Variants in DLGAP2 observed in about 807,000 individuals in gnomAD.
The protein encoded by DLGAP2 is disks large-associated protein 2.
DLGAP2 carries 26 observed loss-of-function variants against 100.3 expected under a neutral mutation model. That is an observed-to-expected ratio of 0.26 (90% CI 0.19 to 0.36). DLGAP2 has a LOEUF of 0.36. Among genes scored for constraint, DLGAP2 ranks in the 10% least tolerant of loss-of-function variants. The pLI is 1.00. For synonymous variants in DLGAP2, 886 were observed against 630.1 expected (o/e 1.41, Z -6.08); for missense variants, 1,858 against 1,453.2 (o/e 1.28, Z -4.53).
chr8:1,069,506 T>C (rs1374294181), intron 2 of DLGAP2, among the ~76,000 whole-genome samples: 1 of 152,176 alleles, frequency 6.6e-6, no homozygotes, highest in Admixed American at 6.5e-5. Context: ...ATTTTTGCTT[T>C]TTTGAGATAA....
At chr8:1,241,574 C>T (rs1267285852) in intron 2 of DLGAP2, among the ~76,000 whole-genome samples, 2 of 152,240 alleles carry the variant, frequency 1.3e-5, no homozygotes, top group Non-Finnish European at 2.9e-5. Context: ...CCAGTTCTCT[C>T]CTGGGTGGAG....
At chr8:1,518,902 G>A (rs564094485) in intron 4 of DLGAP2, among the ~76,000 whole-genome samples, 37 of 152,240 alleles carry the variant, frequency 2.4e-4, no homozygotes, top group African/African-American at 7.9e-4. Flanking sequence ...ACATTCTCAC[G>A]CCAGTGCCCG....
intron 2 of DLGAP2, among the ~76,000 whole-genome samples, chr8:1,153,251 T>C (rs1015849298): frequency 6.6e-6 from 1 of 152,142 alleles, no homozygotes; most frequent in African/African-American, 2.4e-5. Context: ...GATCTGAACA[T>C]GCCCAGATAA....
At chr8:1,362,222 G>A (rs938446227) in intron 3 of DLGAP2, among the ~76,000 whole-genome samples, 8 of 152,092 alleles carry the variant, frequency 5.3e-5, no homozygotes, top group African/African-American at 1.7e-4. Context: ...CTCGGGAACT[G>A]TGGGTGGGAC....
At chr8:1,153,083 T>A (rs902912536) in intron 2 of DLGAP2, among the ~76,000 whole-genome samples, 3 of 152,194 alleles carry the variant, frequency 2.0e-5, no homozygotes, top group Non-Finnish European at 4.4e-5. Context: ...AGAAACTACC[T>A]TTGAGAGGCC....
intron 8 of DLGAP2, among the ~76,000 whole-genome samples, chr8:1,667,470 C>G (rs1244837708): frequency 1.3e-5 from 2 of 152,176 alleles, no homozygotes; most frequent in Non-Finnish European, 2.9e-5. Flanking sequence ...GAGCTGGCCC[C>G]TTTCCGGTGG....
At chr8:810,384 A>C (rs1796349575) in intron 1 of DLGAP2, among the ~76,000 whole-genome samples, 1 of 152,254 alleles carries the variant, frequency 6.6e-6, no homozygotes, top group Non-Finnish European at 1.5e-5. Flanking sequence ...ACACACCATT[A>C]CACATTTTAT....
chr8:960,001 A>G (rs547832465), intron 2 of DLGAP2, among the ~76,000 whole-genome samples: 1 of 152,264 alleles, frequency 6.6e-6, no homozygotes, highest in East Asian at 1.9e-4. Context: ...AGGGCAATAA[A>G]CTGATGTTTG....
At chr8:1,254,880 C>G (rs111348684) in intron 2 of DLGAP2, among the ~76,000 whole-genome samples, 81 of 80,282 alleles carry the variant, frequency 1.0e-3, no homozygotes, top group Middle Eastern at 0.018. Context: ...TCCTGCCTCT[C>G]CTGCCCGCGT....
intron 1 of DLGAP2, among the ~76,000 whole-genome samples, chr8:828,308 A>G (rs898332428): frequency 3.1e-4 from 47 of 152,290 alleles, no homozygotes; most frequent in Middle Eastern, 3.4e-3. Flanking sequence ...CTCGACCATA[A>G]GAGACAGGTA....
At position 1,164,112 on chromosome 8, in the gene DLGAP2, G is replaced by GCCCC. The variant is rs113885366; in HGVS notation, c.74-94736_74-94735insCCCC. 5.7e-4 allele frequency among the ~76,000 whole-genome samples: 17 copies of GCCCC among 29,964 alleles called. 3 individuals are homozygous for GCCCC. The highest frequency in any genetic ancestry group is 2.8e-3 in the South Asian group (3 of 1,068). The allele number at this position is 29,964 out of a possible 152,430, so 19.7% of individuals were successfully genotyped here. A position where few individuals can be genotyped will look rare whatever the true frequency, so the allele number is the denominator to read the frequency against. ...GTGCTGGGGACAGATTTTTCTGTGA[G>GCCCC]CCCGCAGGGCCCGTCATTTTGGTTT... On this transcript the variant is annotated intron_variant, in intron 2 of 14. Coordinates refer to ENST00000637795, the MANE Select transcript of DLGAP2 (RefSeq NM_001346810.2).
chr8:1,106,369 G>A (rs1452033025), intron 2 of DLGAP2, among the ~76,000 whole-genome samples: 1 of 151,258 alleles, frequency 6.6e-6, no homozygotes, highest in Admixed American at 6.6e-5. Context: ...ATTCTAGGAG[G>A]GTTTTCTATT....
At position 1,467,236 on chromosome 8, in the gene DLGAP2, T is replaced by G. The variant is rs570559423; in HGVS notation, c.107-34130T>G. 3.4e-5 allele frequency among the ~76,000 whole-genome samples: 5 copies of G among 147,236 alleles called. No individual in the cohort carries two copies. In the South Asian group the frequency reaches 8.3e-4, roughly 24 times the overall value. On this transcript the variant is annotated intron_variant, in intron 3 of 14. Transcript: ENST00000637795. ...GGCTTCTCTGTTGGATGTCACTGAG[T>G]GTCCTTCACCACGGTCCCTCCCCCC...
chr8:1,492,549 G>A lies in DLGAP2; in HGVS notation c.107-8817G>A, dbSNP rs1043918717. ...CTGTGGGCGACACCCGATGGGGACC[G>A]CGCTTCGCTCCGCAAACATTGTCAC... is the stretch of plus-strand genomic sequence containing the variant. On this transcript the variant is annotated intron_variant, in intron 3 of 14. Coordinates refer to ENST00000637795, the MANE Select transcript of DLGAP2 (RefSeq NM_001346810.2). 3.9e-5 allele frequency among the ~76,000 whole-genome samples: 6 copies of A among 152,328 alleles called. No homozygotes were observed. In the East Asian group the frequency reaches 7.7e-4, roughly 20 times the overall value.
chr8:849,573 G>T (rs573840331), intron 1 of DLGAP2, among the ~76,000 whole-genome samples: 1 of 152,140 alleles, frequency 6.6e-6, no homozygotes, highest in Non-Finnish European at 1.5e-5. Flanking sequence ...TACCAGCCTT[G>T]CCCGAAGGTT....
intron 3 of DLGAP2, among the ~76,000 whole-genome samples, chr8:1,364,570 C>T (rs950673672): frequency 6.6e-6 from 1 of 152,090 alleles, no homozygotes; most frequent in African/African-American, 2.4e-5. Context: ...CGTCTCTCAA[C>T]TCCATTCCCT....
At chr8:800,939 G>C (rs149100496) in intron 1 of DLGAP2, among the ~76,000 whole-genome samples, 1 of 136,322 alleles carries the variant, frequency 7.3e-6, no homozygotes, top group East Asian at 2.3e-4. Flanking sequence ...TCCTTGGCTT[G>C]CTTGTTGTGC....
intron 1 of DLGAP2, among the ~76,000 whole-genome samples, chr8:834,198 C>A (rs1796831395): frequency 2.0e-5 from 3 of 152,220 alleles, no homozygotes; most frequent in African/African-American, 7.2e-5. Flanking sequence ...GAGGAGTAGA[C>A]CATGGGCTGA....
intron 1 of DLGAP2, among the ~76,000 whole-genome samples, chr8:842,184 C>A (rs1796995201): frequency 6.6e-6 from 1 of 152,168 alleles, no homozygotes; most frequent in Non-Finnish European, 1.5e-5. Flanking sequence ...CTTAGGTCGC[C>A]ATCTCTCTAG....
Sources: gnomAD v4.1 joint callset for allele counts (sites outside exome capture counted in the v4.1 genomes callset) on GRCh38, gnomAD v4.1.1 for gene constraint, MANE v1.5 for transcripts, NCBI Gene and HGNC (gene_info 2026-07-23, HGNC 2026-07-21) for gene names.